Variants in NKAIN2 observed in about 807,000 individuals in gnomAD.
NKAIN2 encodes sodium/potassium-transporting ATPase subunit beta-1-interacting protein 2.
NKAIN2 carries 14 observed loss-of-function variants against 32.6 expected under a neutral mutation model. The observed-to-expected ratio is 0.43, with a 90% CI of 0.28 to 0.67. The LOEUF (loss-of-function observed/expected upper bound fraction) is 0.67. Among genes scored for constraint, NKAIN2 ranks in the 30% least tolerant of loss-of-function variants. NKAIN2 has a pLI of 0.17. For synonymous variants in NKAIN2, 80 were observed against 87.2 expected (o/e 0.92, Z 0.46); for missense variants, 198 against 258.3 (o/e 0.77, Z 1.60).
chr6:124,052,908 G>A (rs1782477710), intron 1 of NKAIN2, among the ~76,000 whole-genome samples: 1 of 151,932 alleles, frequency 6.6e-6, no homozygotes, highest in African/African-American at 2.4e-5. Flanking sequence ...AAAAGGATAA[G>A]CAAGTGAAGA....
intron 1 of NKAIN2, among the ~76,000 whole-genome samples, chr6:123,998,190 G>T (rs192795626): frequency 2.6e-5 from 4 of 152,108 alleles, no homozygotes; most frequent in Non-Finnish European, 1.5e-5. Flanking sequence ...AACTCAGAAA[G>T]CTTTTTGGGA....
chr6:124,421,886 G>A (rs1403436210), intron 3 of NKAIN2, among the ~76,000 whole-genome samples: 1 of 152,084 alleles, frequency 6.6e-6, no homozygotes, highest in East Asian at 1.9e-4. Context: ...GAAAGGGAGA[G>A]GTCAGAGAGC....
intron 1 of NKAIN2, among the ~76,000 whole-genome samples, chr6:124,069,307 A>G (rs1206624854): frequency 6.6e-6 from 1 of 152,106 alleles, no homozygotes; most frequent in Non-Finnish European, 1.5e-5. Context: ...ATGTGAGCAT[A>G]TCTTCATTAG....
intron 3 of NKAIN2, among the ~76,000 whole-genome samples, chr6:124,509,717 C>G (rs1411822779): frequency 1.3e-5 from 2 of 152,182 alleles, no homozygotes; most frequent in Admixed American, 1.3e-4. Context: ...GAGCAAGATG[C>G]AGAACCAGGT....
chr6:124,799,061 G>C (rs1293560826), intron 5 of NKAIN2, among the ~76,000 whole-genome samples: 1 of 152,184 alleles, frequency 6.6e-6, no homozygotes, highest in Non-Finnish European at 1.5e-5. Flanking sequence ...CAGAGTAAAT[G>C]AATAAGTAAT....
chr6:124,273,039 C>A (rs2114884584), intron 1 of NKAIN2, among the ~76,000 whole-genome samples: 1 of 152,230 alleles, frequency 6.6e-6, no homozygotes, highest in South Asian at 2.1e-4. Context: ...AAGGAAATTG[C>A]CTTGTCTCTC....
At chr6:124,197,569 A>G (rs912187726) in intron 1 of NKAIN2, among the ~76,000 whole-genome samples, 3 of 152,178 alleles carry the variant, frequency 2.0e-5, no homozygotes, top group Non-Finnish European at 2.9e-5. Context: ...CCTGCTCTTC[A>G]TATCGTATTT....
At chr6:124,486,942 G>A (rs979109484) in intron 3 of NKAIN2, among the ~76,000 whole-genome samples, 2 of 152,038 alleles carry the variant, frequency 1.3e-5, no homozygotes, top group African/African-American at 2.4e-5. Flanking sequence ...TTTTATCAAG[G>A]TGATAAGTCT....
At chr6:124,750,526 T>TGGAC (rs1194332662) in intron 4 of NKAIN2, among the ~76,000 whole-genome samples, 1 of 151,732 alleles carries the variant, frequency 6.6e-6, no homozygotes, top group African/African-American at 2.4e-5. Context: ...GATGGATGGA[T>TGGAC]GGATGGATGG....
chr6:124,060,640 G>T (rs1210612337), intron 1 of NKAIN2, among the ~76,000 whole-genome samples: 1 of 152,054 alleles, frequency 6.6e-6, no homozygotes, highest in Non-Finnish European at 1.5e-5. Flanking sequence ...TAAATCCATT[G>T]CCTTGAATAG....
chr6:123,953,273 G>A (rs1040324680), intron 1 of NKAIN2, among the ~76,000 whole-genome samples: 1 of 152,142 alleles, frequency 6.6e-6, no homozygotes, highest in Non-Finnish European at 1.5e-5. Flanking sequence ...GCAGCAGGGG[G>A]ACAAGTCTGC....
chr6:124,053,451 C>T (rs1401631063), intron 1 of NKAIN2, among the ~76,000 whole-genome samples: 1 of 152,044 alleles, frequency 6.6e-6, no homozygotes, highest in Non-Finnish European at 1.5e-5. Flanking sequence ...TCTTAAACCT[C>T]GGCAACAGGC....
intron 3 of NKAIN2, among the ~76,000 whole-genome samples, chr6:124,363,439 A>G (rs1167676710): frequency 6.6e-6 from 1 of 152,176 alleles, no homozygotes; most frequent in Non-Finnish European, 1.5e-5. Context: ...TGACAAATGT[A>G]TAAATCAGCA....
At chr6:124,147,403 C>G (rs1271077083) in intron 1 of NKAIN2, among the ~76,000 whole-genome samples, 2 of 151,792 alleles carry the variant, frequency 1.3e-5, no homozygotes, top group Non-Finnish European at 2.9e-5. Context: ...CATACATGAG[C>G]AAGTTGCAAA....
At chr6:124,716,088 A>T (rs1402241022) in intron 4 of NKAIN2, among the ~76,000 whole-genome samples, 1 of 152,220 alleles carries the variant, frequency 6.6e-6, no homozygotes, top group East Asian at 1.9e-4. Context: ...AGAGTTATTT[A>T]TTAAAAGATA....
intron 3 of NKAIN2, among the ~76,000 whole-genome samples, chr6:124,496,800 T>C (rs991845467): frequency 6.6e-6 from 1 of 152,132 alleles, no homozygotes; most frequent in Non-Finnish European, 1.5e-5. Flanking sequence ...TGTTGAAATA[T>C]GGAAAGATTA....
chr6:123,840,797 G>A (rs996378799), intron 1 of NKAIN2, among the ~76,000 whole-genome samples: 1 of 152,036 alleles, frequency 6.6e-6, no homozygotes, highest in Non-Finnish European at 1.5e-5. Flanking sequence ...GTATTAGAAA[G>A]AACACTTTCA....
intron 1 of NKAIN2, among the ~76,000 whole-genome samples, chr6:124,251,007 A>C (rs534728043): frequency 9.2e-5 from 14 of 152,052 alleles, no homozygotes; most frequent in Non-Finnish European, 1.8e-4. Flanking sequence ...CTAAAAGAAT[A>C]AACACAGGTA....
chr6:123,911,788 T>C (rs28462006), intron 1 of NKAIN2, among the ~76,000 whole-genome samples: 7 of 105,594 alleles, frequency 6.6e-5, no homozygotes, highest in East Asian at 6.1e-4. Context: ...CATACATATA[T>C]ATATATATAT....
Sources: allele counts gnomAD v4.1 joint callset (sites outside exome capture counted in the v4.1 genomes callset), GRCh38; gene constraint gnomAD v4.1.1; transcripts MANE v1.5; gene names NCBI Gene and HGNC (gene_info 2026-07-23, HGNC 2026-07-21).